The following SLCO5A1 variants were observed in gnomAD, a reference collection of about 807,000 sequenced individuals.
SLCO5A1 encodes solute carrier organic anion transporter family member 5A1, also known as organic anion transporter polypeptide-related protein 4.
Under a neutral mutation model 65.1 loss-of-function variants are expected in SLCO5A1, and 39 were observed. The ratio of observed to expected loss-of-function variants is 0.60; its 90% CI spans 0.46 to 0.78. The LOEUF (loss-of-function observed/expected upper bound fraction) is 0.78, where lower values mean the gene tolerates loss of function less well. SLCO5A1 is among the 30% of genes least tolerant of loss of function. The pLI, the probability that SLCO5A1 is intolerant of heterozygous loss-of-function variation, is 0.00. For missense variants in SLCO5A1, 1,029 were observed against 1,069.4 expected, an observed-to-expected ratio of 0.96 and a Z score of 0.53; for synonymous variants, 438 against 415.7, an observed-to-expected ratio of 1.05 and a Z score of -0.65.
intron 2 of SLCO5A1, among the ~76,000 whole-genome samples, chr8:69,806,597 C>G (rs917535397): frequency 6.6e-6 from 1 of 152,194 alleles, no homozygotes; most frequent in Non-Finnish European, 1.5e-5. Flanking sequence ...CAGAGGAACA[C>G]GTGCAGGAGC....
intron 4 of SLCO5A1, among the ~76,000 whole-genome samples, chr8:69,754,514 C>T (rs1817461553): frequency 6.6e-6 from 1 of 152,132 alleles, no homozygotes; most frequent in Non-Finnish European, 1.5e-5. Flanking sequence ...TTACCTAACA[C>T]AACCTTGACT....
chr8:69,811,607 C>T (rs1307784625), intron 2 of SLCO5A1, among the ~76,000 whole-genome samples: 1 of 152,182 alleles, frequency 6.6e-6, no homozygotes, highest in East Asian at 1.9e-4. Context: ...CATGGACGGG[C>T]TGAGCAAGCT....
At chr8:69,790,169 G>T in intron 2 of SLCO5A1, among the ~76,000 whole-genome samples, 1 of 144,602 alleles carries the variant, frequency 6.9e-6, no homozygotes, top group South Asian at 2.2e-4. Flanking sequence ...TCCAGCCTGG[G>T]CAACAGAGCG....
intron 2 of SLCO5A1, among the ~76,000 whole-genome samples, chr8:69,813,566 G>GA (rs1361508917): frequency 6.6e-6 from 1 of 152,124 alleles, no homozygotes; most frequent in Non-Finnish European, 1.5e-5. Flanking sequence ...CAGCTGCTGG[G>GA]AAAAAGGAGC....
chr8:69,802,383 G>A (rs557999226), intron 2 of SLCO5A1, among the ~76,000 whole-genome samples: 1 of 152,086 alleles, frequency 6.6e-6, no homozygotes, highest in East Asian at 1.9e-4. Flanking sequence ...GCGCATGCCT[G>A]CAGTCCCAGC....
chr8:69,786,314 C>T (rs1452636214), intron 2 of SLCO5A1, among the ~76,000 whole-genome samples: 1 of 152,120 alleles, frequency 6.6e-6, no homozygotes, highest in Non-Finnish European at 1.5e-5. Flanking sequence ...GTCAATGATA[C>T]AGATTTATCA....
chr8:69,740,591 G>A (rs1816752258), intron 4 of SLCO5A1, among the ~76,000 whole-genome samples: 2 of 152,130 alleles, frequency 1.3e-5, no homozygotes, highest in Non-Finnish European at 2.9e-5. Context: ...ATGACACCCT[G>A]GTAGGAATGC....
At chr8:69,751,429 G>A (rs976839466) in intron 4 of SLCO5A1, among the ~76,000 whole-genome samples, 1 of 152,104 alleles carries the variant, frequency 6.6e-6, no homozygotes, top group African/African-American at 2.4e-5. Context: ...TGAAAACACT[G>A]AGTCAGATTT....
At chr8:69,826,700 C>G (rs1820931552) in intron 2 of SLCO5A1, among the ~76,000 whole-genome samples, 1 of 152,108 alleles carries the variant, frequency 6.6e-6, no homozygotes, top group Non-Finnish European at 1.5e-5. Flanking sequence ...TTCAACCAAC[C>G]AATGTAAACT....
chr8:69,679,703 G>T, intron 7 of SLCO5A1, 84 bp from the exon 8 acceptor site: 1 of 1,544,482 alleles, frequency 6.5e-7, no homozygotes. Context: ...TTAAGTAAAA[G>T]TACTCTAAAA....
At chr8:69,674,568 T>C (rs1466068892) in intron 9 of SLCO5A1, among the ~76,000 whole-genome samples, 1 of 152,122 alleles carries the variant, frequency 6.6e-6, no homozygotes, top group Non-Finnish European at 1.5e-5. Flanking sequence ...TCCATAGAAG[T>C]TAAAATAAAG....
Position 69,671,448 on chromosome 8 carries a change from G to C in SLCO5A1, c.*1421C>G, listed in dbSNP as rs1813325843. On this transcript the variant is annotated 3_prime_UTR_variant, in exon 10 of 10. Transcript: ENST00000260126. ...TCAGCATTTGGCCCTTACACTCCCT[G>C]GCAGCCAGAACCCCTGAGCTAACTT... 6.6e-6 allele frequency: 1 copy of C among 152,208 alleles called. No homozygotes were observed. Among genetic ancestry groups the C allele is most frequent in the Non-Finnish European group, 1.5e-5 (1 of 68,072 alleles). 9.4% of individuals were successfully genotyped at this position (152,208 alleles called of 1,614,324 possible). A position where few individuals can be genotyped will look rare whatever the true frequency, so the allele number is the denominator to read the frequency against.
rs377714235 is a variant in SLCO5A1 at position 69,767,911 on chromosome 8, AC to A, written c.908-6037del. 6.6e-4 allele frequency among the ~76,000 whole-genome samples: 84 copies of A among 127,674 alleles called. 2 individuals carry two copies. The highest frequency in any genetic ancestry group is 3.9e-3 in the Middle Eastern group (1 of 258). 83.8% of individuals were successfully genotyped at this position (127,674 alleles called of 152,430 possible). A position where few individuals can be genotyped will look rare whatever the true frequency, so the allele number is the denominator to read the frequency against. ...TCTCAAAAAAAAAAAAAAAAAAAAAACAAAAAGAAAAAGAAAAAGAATAAGC... is the reference window on the plus strand; with the variant it reads ...TCTCAAAAAAAAAAAAAAAAAAAAAAAAAAAGAAAAAGAAAAAGAATAAGC... On this transcript the variant is annotated intron_variant, in intron 2 of 9. Transcript: ENST00000260126.
At chr8:69,763,847 T>C (rs955736184) in intron 2 of SLCO5A1, among the ~76,000 whole-genome samples, 10 of 151,974 alleles carry the variant, frequency 6.6e-5, no homozygotes, top group African/African-American at 2.4e-4. Context: ...CTATTTGAAC[T>C]CAGTTATTTT....
At chr8:69,689,895 T>C (rs990294422) in intron 6 of SLCO5A1, among the ~76,000 whole-genome samples, 10 of 152,186 alleles carry the variant, frequency 6.6e-5, no homozygotes, top group African/African-American at 2.4e-4. Context: ...GGTAGCTTGA[T>C]GGGGATGGCA....
rs1813326389 is a variant in SLCO5A1, at chr8:69,671,463, T to C, written c.*1406A>G. ...TACACTCCCTGGCAGCCAGAACCCCTGAGCTAACTTGCTGTCAATCCGTTA... is the reference window on the plus strand; with the variant it reads ...TACACTCCCTGGCAGCCAGAACCCCCGAGCTAACTTGCTGTCAATCCGTTA... On this transcript the variant is annotated 3_prime_UTR_variant, in exon 10 of 10. Transcript: ENST00000260126. The C allele has an allele frequency of 1.3e-5, 2 of 152,292 alleles. No homozygotes were observed. Among genetic ancestry groups the C allele is most frequent in the South Asian group, 4.1e-4 (2 of 4,822 alleles). 9.4% of individuals were successfully genotyped at this position (152,292 alleles called of 1,614,324 possible). A position where few individuals can be genotyped will look rare whatever the true frequency, so the allele number is the denominator to read the frequency against.
chr8:69,789,519 T>A (rs1819178636), intron 2 of SLCO5A1, among the ~76,000 whole-genome samples: 1 of 152,168 alleles, frequency 6.6e-6, no homozygotes, highest in African/African-American at 2.4e-5. Flanking sequence ...GGTTACCACC[T>A]GTTGGGTGGG....
chr8:69,760,018 T>C (rs1419780526), intron 3 of SLCO5A1, among the ~76,000 whole-genome samples: 7 of 152,228 alleles, frequency 4.6e-5, no homozygotes, highest in South Asian at 2.1e-4. Context: ...CATAAAGCAC[T>C]GGTAAGACTA....
At chr8:69,807,604 T>A (rs1391984585) in intron 2 of SLCO5A1, among the ~76,000 whole-genome samples, 1 of 152,240 alleles carries the variant, frequency 6.6e-6, no homozygotes, top group Non-Finnish European at 1.5e-5. Context: ...AGTGAGCTCA[T>A]GTAGTATGTG....
Sources: gnomAD v4.1 joint callset for allele counts (sites outside exome capture counted in the v4.1 genomes callset) on GRCh38, gnomAD v4.1.1 for gene constraint, MANE v1.5 for transcripts, NCBI Gene and HGNC (gene_info 2026-07-23, HGNC 2026-07-21) for gene names.